PLSCR5: variants seen among roughly 807,000 people sequenced by gnomAD.
The protein encoded by PLSCR5 is phospholipid scramblase family, member 5.
Under a neutral mutation model 33.6 loss-of-function variants are expected in PLSCR5, and 44 were observed. The ratio of observed to expected loss-of-function variants is 1.31; its 90% CI spans 1.03 to 1.69. PLSCR5 has a LOEUF of 1.69. Among genes scored for constraint, PLSCR5 ranks in the 40% most tolerant of loss-of-function variants. The probability of loss-of-function intolerance (pLI) is 0.00; values close to 1 mark genes in which losing one functional copy is unlikely to be tolerated. For missense variants in PLSCR5, 375 were observed against 318.7 expected (o/e 1.18, Z -1.34); for synonymous variants, 148 against 112.3 (o/e 1.32, Z -2.01).
intron 6 of PLSCR5, among the ~76,000 whole-genome samples, chr3:146,588,200 G>T (rs2044680370): frequency 1.3e-5 from 2 of 152,168 alleles, no homozygotes; most frequent in South Asian, 4.1e-4. Context: ...GCTGGGCAAG[G>T]TGGCTCACAC....
intron 4 of PLSCR5, among the ~76,000 whole-genome samples, chr3:146,593,649 A>T (rs1277979808): frequency 6.6e-6 from 1 of 152,172 alleles, no homozygotes; most frequent in Non-Finnish European, 1.5e-5. Flanking sequence ...CATGACTACT[A>T]TAGAGATTCC....
At chr3:146,580,095 G>A (rs1231239556) in intron 7 of PLSCR5, among the ~76,000 whole-genome samples, 2 of 152,144 alleles carry the variant, frequency 1.3e-5, no homozygotes, top group Non-Finnish European at 2.9e-5. Flanking sequence ...GGTATTGAAT[G>A]CTTCCTTTTT....
downstream of PLSCR5, among the ~76,000 whole-genome samples, chr3:146,581,614 A>G (rs1031311223): frequency 6.6e-6 from 1 of 152,184 alleles, no homozygotes; most frequent in African/African-American, 2.4e-5. Flanking sequence ...TGAATAAGAA[A>G]AAGTTCAAGA....
intron 2 of PLSCR5, among the ~76,000 whole-genome samples, chr3:146,597,717 G>T (rs114220906): frequency 6.6e-6 from 1 of 152,080 alleles, no homozygotes; most frequent in Non-Finnish European, 1.5e-5. Context: ...ACTTTAAACA[G>T]ATTGAATTAT....
In PLSCR5 at chr3:146,605,316, G is replaced by A. The variant is rs1037116140; in HGVS notation, c.-104C>T. 2.4e-5 allele frequency: 38 copies of A among 1,585,376 alleles called. No homozygotes were observed. The highest frequency in any genetic ancestry group is 2.7e-5 in the Non-Finnish European group (32 of 1,165,166). ...CGCAGCATGCACAAAACTTCAGAAC[G>A]TGTTTGTCTGCCTCTTGTCAGCTTA... On this transcript the variant is annotated 5_prime_UTR_variant, in exon 1 of 8. The change creates a new upstream start codon in the 5' untranslated region. Coordinates refer to ENST00000443512, the MANE Select transcript of PLSCR5 (RefSeq NM_001085420.2).
intron 7 of PLSCR5, chr3:146,576,827 G>T (rs2044600520): frequency 1.3e-5 from 2 of 151,820 alleles, no homozygotes; most frequent in Admixed American, 6.6e-5. Flanking sequence ...TAATATAAAG[G>T]CTCAGGTTAA....
Position 146,600,357 on chromosome 3 carries a change from C to G in PLSCR5, c.120G>C (p.Leu40=). 1 of 1,608,868 alleles carries G rather than the reference C, an allele frequency of 6.2e-7. No homozygotes were observed. Among genetic ancestry groups the G allele is most frequent in the Non-Finnish European group, 8.5e-7 (1 of 1,177,280 alleles). Residue 40 remains leucine, a synonymous_variant, in exon 2 of 8, where the codon CTG becomes CTC. Coordinates refer to ENST00000443512, the MANE Select transcript of PLSCR5 (RefSeq NM_001085420.2). ...SSNPGNQAWQ[L]SLPLPSSFLP... ...GGAAACTGCTTGGCAGAGGGAGACT[C>G]AGCTGCCATGCTTGGTTCCCTGGAT...
intron 1 of PLSCR5, among the ~76,000 whole-genome samples, chr3:146,603,058 A>C (rs1297588333): frequency 6.6e-6 from 1 of 152,054 alleles, no homozygotes; most frequent in African/African-American, 2.4e-5. Flanking sequence ...ACTTGCTCTT[A>C]AATTGTGTTA....
intron 3 of PLSCR5, 57 bp downstream of exon 3, chr3:146,594,984 A>G (rs1244704026): frequency 8.7e-7 from 1 of 1,151,744 alleles, no homozygotes; most frequent in Non-Finnish European, 1.1e-6. Context: ...GAAACTTCTG[A>G]AAACTAAAAT....
At chr3:146,580,631 T>G (rs995665396) in intron 7 of PLSCR5, among the ~76,000 whole-genome samples, 1 of 151,922 alleles carries the variant, frequency 6.6e-6, no homozygotes, top group Non-Finnish European at 1.5e-5. Flanking sequence ...GCCCAGTTAA[T>G]TTTTTGTATT....
Position 146,593,269 on chromosome 3 carries a change from G to A in PLSCR5, c.453+651C>T, listed in dbSNP as rs142441283. On this transcript the variant is annotated intron_variant, in intron 4 of 7. Coordinates refer to ENST00000443512, the MANE Select transcript of PLSCR5 (RefSeq NM_001085420.2). ...TAGCTCCTAGAGATTTCATGATTCT[G>A]TTCTTGCTCATGAGTAGAATATCAT... Among the ~76,000 whole-genome samples the A allele has an allele frequency of 5.6e-3, 849 of 152,226 alleles. 11 individuals are homozygous for A. Among genetic ancestry groups the A allele is most frequent in the African/African-American group, 0.02 (812 of 41,538 alleles).
chr3:146,592,770 T>G (rs1196673717), intron 4 of PLSCR5, among the ~76,000 whole-genome samples: 1 of 152,160 alleles, frequency 6.6e-6, no homozygotes, highest in African/African-American at 2.4e-5. Flanking sequence ...AAGTTACTAA[T>G]AGTTATCAAG....
At chr3:146,581,502 T>A (rs75075838), downstream of PLSCR5, among the ~76,000 whole-genome samples, 11,597 of 152,148 alleles carry the variant, frequency 0.076, 479 homozygotes, top group East Asian at 0.16. Flanking sequence ...TTGAAGAGAG[T>A]TTAGAGCAGG....
rs1437712683 is a variant in PLSCR5 at position 146,605,249 on chromosome 3, T to C, written c.-37A>G. ...AGTCACTTCTTCAAAGGTTGCCAGG[T>C]TGGAAAACAAAGGCTTTTCTTGTTG... On this transcript the variant is annotated 5_prime_UTR_variant, in exon 1 of 8. Transcript: ENST00000443512. The C allele has an allele frequency of 1.2e-6, 2 of 1,611,062 alleles. No individual in the cohort carries two copies. Among genetic ancestry groups the C allele is most frequent in the African/African-American group, 1.3e-5 (1 of 74,796 alleles).
At chr3:146,586,750 G>GA (rs35829670) in intron 6 of PLSCR5, among the ~76,000 whole-genome samples, 102,618 of 151,866 alleles carry the variant, frequency 0.68, 34,741 homozygotes, top group East Asian at 0.73. Flanking sequence ...TTTCATTTGT[G>GA]ATTTAGATTT....
rs368225929 is a variant in PLSCR5 at position 146,589,670 on chromosome 3, C to G, written c.760G>C (p.Gly254Arg). Residue 254 changes from glycine (G) to arginine (R), a missense_variant, in exon 6 of 8, where the codon GGT becomes CGT. Coordinates refer to ENST00000443512, the MANE Select transcript of PLSCR5 (RefSeq NM_001085420.2). ...ATACTTACAAAGAGAAAACAGGCACCGATCATTGCTGCTTTGACTGTTACA... is the reference window on the plus strand; with the variant it reads ...ATACTTACAAAGAGAAAACAGGCACGGATCATTGCTGCTTTGACTGTTACA... ...LDVTVKAAMI[G>R]ACFLFDFMFF... The G allele has an allele frequency of 6.3e-7, 1 of 1,587,190 alleles. No homozygotes were observed. Among genetic ancestry groups the G allele is most frequent in the East Asian group, 2.3e-5 (1 of 44,314 alleles).
In PLSCR5 at chr3:146,587,383, G is replaced by A. The variant is rs530068639; in HGVS notation, c.778-1271C>T. ...AAACTGATAAGGTTTAAAATACAGA[G>A]AACTGTAGTTCCAATTTTGGCAGTA... On this transcript the variant is annotated intron_variant, in intron 6 of 7. Transcript: ENST00000443512. 1.2e-4 allele frequency among the ~76,000 whole-genome samples: 18 copies of A among 152,318 alleles called. No homozygotes were observed. In the South Asian group the frequency reaches 3.7e-3, roughly 32 times the overall value.
chr3:146,591,960 T>A, intron 4 of PLSCR5, 79 bp from the exon 5 acceptor site: 1 of 1,179,172 alleles, frequency 8.5e-7, no homozygotes, highest in Non-Finnish European at 1.2e-6. Flanking sequence ...AATTTACCTG[T>A]AAACAATATA....
intron 5 of PLSCR5, 92 bp from the exon 6 acceptor site, chr3:146,589,906 T>C: frequency 1.3e-6 from 1 of 772,750 alleles, no homozygotes; most frequent in Non-Finnish European, 1.9e-6. Flanking sequence ...AGATTTGAAT[T>C]ATTTTATTTG....
Sources: gnomAD v4.1 joint callset for allele counts (sites outside exome capture counted in the v4.1 genomes callset) on GRCh38, gnomAD v4.1.1 for gene constraint, MANE v1.5 for transcripts, NCBI Gene and HGNC (gene_info 2026-07-23, HGNC 2026-07-21) for gene names.